ITGAE: variants seen among roughly 807,000 people sequenced by gnomAD.
ITGAE encodes integrin alpha-E.
In ITGAE, 99 loss-of-function variants were observed where a neutral mutation model predicts 136.5. That is an observed-to-expected ratio of 0.73 (90% CI 0.62 to 0.86). The LOEUF (loss-of-function observed/expected upper bound fraction) is 0.86, where lower values mean the gene tolerates loss of function less well. ITGAE is among the 40% of genes least tolerant of loss of function. ITGAE has a pLI of 0.00. For synonymous variants in ITGAE, 613 were observed against 591.8 expected (o/e 1.04, Z -0.52); for missense variants, 1,447 against 1,515.3 (o/e 0.95, Z 0.75).
intron 1 of ITGAE, among the ~76,000 whole-genome samples, chr17:3,779,673 G>C (rs1305660806): frequency 1.3e-5 from 2 of 152,174 alleles, no homozygotes; most frequent in African/African-American, 4.8e-5. Flanking sequence ...TGGCTTGCTG[G>C]ATGGGTAGAT....
intron 17 of ITGAE, among the ~76,000 whole-genome samples, chr17:3,747,044 C>T (rs1012766195): frequency 2.0e-5 from 3 of 152,212 alleles, no homozygotes; most frequent in African/African-American, 7.2e-5. Flanking sequence ...GCTGAGGAAT[C>T]GTTCCAGGGG....
chr17:3,785,506 G>GGAAGGAAA (rs2052766908), intron 1 of ITGAE, among the ~76,000 whole-genome samples: 1 of 125,840 alleles, frequency 7.9e-6, no homozygotes, highest in Non-Finnish European at 1.6e-5. Context: ...GAGGAAGGAA[G>GGAAGGAAA]GAAGGAAGGA....
chr17:3,797,495 C>G (rs530766239), intron 1 of ITGAE, among the ~76,000 whole-genome samples: 13 of 142,538 alleles, frequency 9.1e-5, no homozygotes, highest in African/African-American at 3.2e-4. Flanking sequence ...GTGTCTCTCT[C>G]TGTCTTCCAG....
intron 1 of ITGAE, among the ~76,000 whole-genome samples, chr17:3,787,009 T>C (rs1203955754): frequency 6.6e-6 from 1 of 152,054 alleles, no homozygotes; most frequent in African/African-American, 2.4e-5. Context: ...AATAAAGGAT[T>C]AAAAATCATA....
intron 3 of ITGAE, 127 bp from the exon 4 acceptor site, chr17:3,762,109 AG>A: frequency 1.4e-6 from 1 of 726,852 alleles, no homozygotes; most frequent in Non-Finnish European, 2.3e-6. Flanking sequence ...CACTCAGAGA[AG>A]CCTCTAGAAA....
At chr17:3,774,207 C>G (rs575642080) in intron 2 of ITGAE, among the ~76,000 whole-genome samples, 1 of 151,910 alleles carries the variant, frequency 6.6e-6, no homozygotes, top group African/African-American at 2.4e-5. Flanking sequence ...GGCTCACTTG[C>G]TCCTGTGTGC....
Position 3,738,384 on chromosome 17 carries a change from T to C in ITGAE, c.2522+1421A>G, listed in dbSNP as rs536132806. 2.6e-5 allele frequency among the ~76,000 whole-genome samples: 4 copies of C among 152,304 alleles called. No homozygotes were observed. In the South Asian group the frequency reaches 8.3e-4, roughly 32 times the overall value. ...CGGGGTTTTACCATGTTGACCAGGC[T>C]TGTCTCAAACTCCTGACCTCATGAT... On this transcript the variant is annotated intron_variant, in intron 20 of 30. Coordinates refer to ENST00000263087, the MANE Select transcript of ITGAE (RefSeq NM_002208.5).
intron 19 of ITGAE, among the ~76,000 whole-genome samples, chr17:3,742,726 C>A (rs1334512105): frequency 2.0e-5 from 3 of 152,132 alleles, no homozygotes; most frequent in Admixed American, 6.6e-5. Flanking sequence ...CTCACTGGAA[C>A]CTCTGCCTCC....
chr17:3,718,910 T>C (rs2050991956), intron 29 of ITGAE, among the ~76,000 whole-genome samples: 1 of 152,142 alleles, frequency 6.6e-6, no homozygotes, highest in Admixed American at 6.5e-5. Flanking sequence ...TTCTGTATTT[T>C]CCATTTCCCT....
chr17:3,751,836 G>A lies in ITGAE; in HGVS notation c.1707C>T (p.His569=). The A allele has an allele frequency of 6.2e-7, 1 of 1,614,106 alleles. No individual in the cohort carries two copies. Among genetic ancestry groups the A allele is most frequent in the East Asian group, 2.2e-5 (1 of 44,884 alleles). ...SFSLARILSG[H]PGFTNARFGF... The stretch of plus-strand genomic sequence containing the variant: ...CAAAGCGGGCATTGGTGAACCCGGG[G>A]TGCCCACTCAGTATGCGTGCCAAGG... The change falls in exon 15 of 31, where the codon CAC becomes CAT. Residue 569 remains histidine (H), a synonymous_variant. Transcript: ENST00000263087.
In ITGAE at chr17:3,779,391, A is replaced by G. The variant is rs570148838; in HGVS notation, c.35-1731T>C. The stretch of plus-strand genomic sequence containing the variant: ...CGCCCAGGCTGGAGTGCAGTGGTGC[A>G]ATCTTGGCTCACTACAACTTCTGTG... On this transcript the variant is annotated intron_variant, in intron 1 of 30. Coordinates refer to ENST00000263087, the MANE Select transcript of ITGAE (RefSeq NM_002208.5). Among the ~76,000 whole-genome samples, 4 of 151,768 alleles carry G rather than the reference A, an allele frequency of 2.6e-5. No homozygotes were observed. In the East Asian group the frequency reaches 7.7e-4, roughly 29 times the overall value.
In ITGAE at chr17:3,792,087, G is replaced by C. The variant is rs2052952082; in HGVS notation, c.34+9024C>G. Among the ~76,000 whole-genome samples, 6 of 152,114 alleles carry C rather than the reference G, an allele frequency of 3.9e-5. No homozygotes were observed. In the South Asian group the frequency reaches 1.2e-3, roughly 32 times the overall value. ...ATTTAAGGCCATTTCCCTGAGTCTGGCACAAAGTAGATATCTATATTTAAT... is the reference window on the plus strand; with the variant it reads ...ATTTAAGGCCATTTCCCTGAGTCTGCCACAAAGTAGATATCTATATTTAAT... On this transcript the variant is annotated intron_variant, in intron 1 of 30. Transcript: ENST00000263087.
intron 1 of ITGAE, among the ~76,000 whole-genome samples, chr17:3,788,093 T>C (rs1282866060): frequency 2.0e-5 from 3 of 152,208 alleles, no homozygotes; most frequent in Admixed American, 6.5e-5. Context: ...ACATGCCTTT[T>C]TCTTATTGAT....
rs2051098979 is a variant in ITGAE, at chr17:3,723,334, T to C, written c.3191A>G (p.Glu1064Gly). 2 of 1,613,970 alleles carry C rather than the reference T, an allele frequency of 1.2e-6. No individual in the cohort carries two copies. The highest frequency in any genetic ancestry group is 1.7e-6 in the Non-Finnish European group (2 of 1,179,928). Residue 1064 changes from glutamate (E) to glycine (G), a missense_variant, in exon 28 of 31, where the codon GAA becomes GGA. Physicochemically the swap from Glu to Gly is moderately conservative, Grantham distance 98. Around this residue, in one of 3 missense-constraint regions of ITGAE, gnomAD observed 1,031 missense variants for 1,011.4 expected, o/e 1.02. Coordinates refer to ENST00000263087, the MANE Select transcript of ITGAE (RefSeq NM_002208.5). ...GATCTCTGCAGCCACGGTGACATTTTCTTTATCTGAAGCGATGACACAGCT... is the reference window on the plus strand; with the variant it reads ...GATCTCTGCAGCCACGGTGACATTTCCTTTATCTGAAGCGATGACACAGCT... ...SVSCVIASDKENVTVAAEISW... is the reference protein window; with the variant it reads ...SVSCVIASDKGNVTVAAEISW...
chr17:3,716,397 T>C (rs968325469), intron 30 of ITGAE, among the ~76,000 whole-genome samples: 3 of 152,174 alleles, frequency 2.0e-5, no homozygotes, highest in South Asian at 2.1e-4. Flanking sequence ...CCAGGCCCTA[T>C]TGAACTCACA....
intron 7 of ITGAE, 30 bp downstream of exon 7, chr17:3,760,139 GATA>G (rs781528392): frequency 1.6e-6 from 2 of 1,242,430 alleles, no homozygotes; most frequent in Non-Finnish European, 2.4e-6. Context: ...CTCAGCAATA[GATA>G]AGTGTTAACC....
chr17:3,756,930 G>A, intron 10 of ITGAE, 54 bp downstream of exon 10: 1 of 1,574,256 alleles, frequency 6.4e-7, no homozygotes, highest in Non-Finnish European at 8.6e-7. Flanking sequence ...ACAGAGGCCG[G>A]GCTGGAGCAT....
intron 1 of ITGAE, among the ~76,000 whole-genome samples, chr17:3,779,834 G>T (rs890067617): frequency 1.2e-4 from 18 of 152,094 alleles, no homozygotes; most frequent in African/African-American, 2.4e-5. Context: ...GATATCGATA[G>T]ATTACCTCCC....
intron 18 of ITGAE, among the ~76,000 whole-genome samples, chr17:3,744,762 C>T (rs1597324277): frequency 1.3e-5 from 2 of 152,218 alleles, no homozygotes; most frequent in South Asian, 4.1e-4. Flanking sequence ...CAAGATCTTT[C>T]TCAAAGCAAC....
Sources: gnomAD v4.1 joint callset for allele counts (sites outside exome capture counted in the v4.1 genomes callset) on GRCh38, gnomAD v4.1.1 for gene constraint, gnomAD v4.1.1 regional missense constraint, MANE v1.5 for transcripts, NCBI Gene and HGNC (gene_info 2026-07-23, HGNC 2026-07-21) for gene names.